Variants in ATP10A observed in about 807,000 individuals in gnomAD.
ATP10A encodes phospholipid-transporting ATPase VA.
In ATP10A, 111 loss-of-function variants were observed where a neutral mutation model predicts 147.8. That is an observed-to-expected ratio of 0.75 (90% CI 0.64 to 0.88). The LOEUF (loss-of-function observed/expected upper bound fraction) is 0.88, where lower values mean the gene tolerates loss of function less well. Among genes scored for constraint, ATP10A ranks in the 40% least tolerant of loss-of-function variants. The probability of loss-of-function intolerance (pLI) is 0.00; values close to 1 mark genes in which losing one functional copy is unlikely to be tolerated. For synonymous variants in ATP10A, 875 were observed against 841.6 expected (o/e 1.04, Z -0.69); for missense variants, 1,927 against 1,959.0 (o/e 0.98, Z 0.31).
chr15:25,762,141 C>T (rs1375030075), intron 2 of ATP10A, among the ~76,000 whole-genome samples: 3 of 152,122 alleles, frequency 2.0e-5, no homozygotes, highest in East Asian at 1.9e-4. Flanking sequence ...CCCTTTTGCT[C>T]GGCACTTCTC....
chr15:25,727,335 C>G, intron 3 of ATP10A, 69 bp from the exon 4 acceptor site: 1 of 1,297,614 alleles, frequency 7.7e-7, no homozygotes, highest in Non-Finnish European at 1.1e-6. Flanking sequence ...GCCGCAATGC[C>G]TTGAGGAAGG....
chr15:25,822,220 A>T (rs76094885), intron 1 of ATP10A, among the ~76,000 whole-genome samples: 2,844 of 152,260 alleles, frequency 0.019, 119 homozygotes, highest in East Asian at 0.14. Flanking sequence ...ATACTTTTAG[A>T]TCTGAATCCA....
intron 17 of ATP10A, among the ~76,000 whole-genome samples, chr15:25,681,460 A>G (rs184967369): frequency 7.9e-5 from 12 of 152,276 alleles, no homozygotes; most frequent in Admixed American, 7.8e-4. Context: ...ACTACAGCAC[A>G]CACATTCCCA....
rs759238751 is a variant in ATP10A, at chr15:25,687,771, T to G, written c.3223A>C (p.Ile1075Leu). ...PKFRYLERLL[I>L]LHGHWCYSRL... is the part of the protein sequence containing the mutation. ...GAGTAGCACCAATGCCCGTGAAGAA[T>G]CAAGAGCCTCTCCAGGTATCGGAAT... is the stretch of plus-strand genomic sequence containing the variant. The change falls in exon 16 of 21, where the codon ATT becomes CTT. Residue 1075 changes from isoleucine (I) to leucine (L), a missense_variant. Physicochemically the swap from Ile to Leu is conservative, Grantham distance 5 (BLOSUM62 2). Coordinates refer to ENST00000555815, the MANE Select transcript of ATP10A (RefSeq NM_024490.4). 1 of 1,613,786 alleles carries G rather than the reference T, an allele frequency of 6.2e-7. No individual in the cohort carries two copies. The highest frequency in any genetic ancestry group is 8.5e-7 in the Non-Finnish European group (1 of 1,179,790).
At position 25,783,005 on chromosome 15, in the gene ATP10A, TA is replaced by T. The variant is rs1022240848; in HGVS notation, c.450-1783del. On this transcript the variant is annotated intron_variant, in intron 1 of 20. Coordinates refer to ENST00000555815, the MANE Select transcript of ATP10A (RefSeq NM_024490.4). ...GACAACATAGTGAGACCCCCATCTCTAAAAAAAAATTAAAAAAAAAATTAGT... is the reference window on the plus strand; with the variant it reads ...GACAACATAGTGAGACCCCCATCTCTAAAAAAAATTAAAAAAAAAATTAGT... Among the ~76,000 whole-genome samples, 349 of 150,156 alleles carry T rather than the reference TA, an allele frequency of 2.3e-3. 2 individuals are homozygous for T. Among genetic ancestry groups the T allele is most frequent in the African/African-American group, 7.4e-3 (302 of 40,870 alleles).
intron 2 of ATP10A, among the ~76,000 whole-genome samples, chr15:25,764,986 C>G (rs143916100): frequency 1.5e-4 from 23 of 152,188 alleles, no homozygotes; most frequent in African/African-American, 5.3e-4. Context: ...CCGGCTGAAG[C>G]GTTTGTCTGT....
chr15:25,855,569 C>CACACACAT (rs1202659327), intron 1 of ATP10A, among the ~76,000 whole-genome samples: 2 of 151,694 alleles, frequency 1.3e-5, no homozygotes, highest in African/African-American at 4.9e-5. Context: ...CACACACACA[C>CACACACAT]ACACATACAT....
intron 1 of ATP10A, among the ~76,000 whole-genome samples, chr15:25,790,053 A>T (rs1392232063): frequency 6.6e-6 from 1 of 152,220 alleles, no homozygotes; most frequent in Non-Finnish European, 1.5e-5. Context: ...CAGCACTGAA[A>T]CAGCAATGGC....
At chr15:25,797,400 C>T (rs549395728) in intron 1 of ATP10A, among the ~76,000 whole-genome samples, 2 of 152,308 alleles carry the variant, frequency 1.3e-5, no homozygotes, top group Admixed American at 1.3e-4. Flanking sequence ...AGAGAGAGTC[C>T]CCTGAGGCCA....
intron 2 of ATP10A, among the ~76,000 whole-genome samples, chr15:25,759,966 T>C (rs1473018837): frequency 8.0e-6 from 1 of 124,290 alleles, no homozygotes; most frequent in South Asian, 2.7e-4. Context: ...TCTGATCATG[T>C]AATTTTTTTT....
At chr15:25,714,318 T>C in intron 9 of ATP10A, 77 bp from the exon 10 acceptor site, 1 of 1,378,440 alleles carries the variant, frequency 7.3e-7, no homozygotes, top group Non-Finnish European at 1.0e-6. Context: ...TCCCACAGGA[T>C]GCTCCAGGCA....
intron 12 of ATP10A, among the ~76,000 whole-genome samples, chr15:25,703,250 C>T (rs556726692): frequency 1.3e-5 from 2 of 152,180 alleles, no homozygotes; most frequent in African/African-American, 4.8e-5. Context: ...CCCAGCTGCT[C>T]GGGAGGTTGA....
intron 1 of ATP10A, among the ~76,000 whole-genome samples, chr15:25,790,259 G>T (rs573544938): frequency 6.6e-6 from 1 of 152,280 alleles, no homozygotes; most frequent in East Asian, 1.9e-4. Flanking sequence ...TACCAAAATT[G>T]CCAAAAATAC....
At chr15:25,807,765 G>A (rs977933182) in intron 1 of ATP10A, among the ~76,000 whole-genome samples, 8 of 151,664 alleles carry the variant, frequency 5.3e-5, no homozygotes, top group African/African-American at 9.7e-5. Context: ...TGGCACCACC[G>A]CACTCCAGCC....
intron 3 of ATP10A, among the ~76,000 whole-genome samples, chr15:25,730,010 G>A (rs1902860938): frequency 6.6e-6 from 1 of 152,052 alleles, no homozygotes; most frequent in African/African-American, 2.4e-5. Context: ...CAGGGAGTAG[G>A]CTGGGCGCGG....
chr15:25,737,890 CA>C (rs1290252114), intron 2 of ATP10A, among the ~76,000 whole-genome samples: 2 of 151,650 alleles, frequency 1.3e-5, no homozygotes, highest in South Asian at 2.1e-4. Context: ...AGGGAGAAGC[CA>C]AAAAAAGAGG....
chr15:25,779,845 AACACACACACACAC>A (rs56111172), intron 2 of ATP10A, among the ~76,000 whole-genome samples: 5 of 147,280 alleles, frequency 3.4e-5, no homozygotes, highest in South Asian at 2.2e-4. Context: ...AGAAGGTTAA[AACACACACACACAC>A]ACACACACAC....
rs1409042208 is a variant in ATP10A at position 25,772,022 on chromosome 15, G to C, written c.654+8997C>G. On this transcript the variant is annotated intron_variant, in intron 2 of 20. Transcript: ENST00000555815. ...CTGCCTCAGCCTCCCAAAGTGCTGG[G>C]ATGACAGGTGTGAGCCATCGCGCCC... 2.0e-5 allele frequency among the ~76,000 whole-genome samples: 3 copies of C among 152,150 alleles called. No individual in the cohort carries two copies. In the East Asian group the frequency reaches 5.8e-4, roughly 29 times the overall value.
At chr15:25,756,255 TTG>T (rs1888400884) in intron 2 of ATP10A, among the ~76,000 whole-genome samples, 1 of 152,154 alleles carries the variant, frequency 6.6e-6, no homozygotes, top group Admixed American at 6.5e-5. Context: ...CTGCTCCTAT[TTG>T]TGTGTCTGTT....
Sources: allele counts gnomAD v4.1 joint callset (sites outside exome capture counted in the v4.1 genomes callset), GRCh38; gene constraint gnomAD v4.1.1; transcripts MANE v1.5; gene names NCBI Gene and HGNC (gene_info 2026-07-23, HGNC 2026-07-21).